FNBP1: variants seen among roughly 807,000 people sequenced by gnomAD.
FNBP1 encodes formin binding protein 1, also known as formin-binding protein 1.
Under a neutral mutation model 90.6 loss-of-function variants are expected in FNBP1, and 26 were observed. That is an observed-to-expected ratio of 0.29 (90% CI 0.21 to 0.40). The LOEUF (loss-of-function observed/expected upper bound fraction) is 0.40, where lower values mean the gene tolerates loss of function less well. FNBP1 is among the 10% of genes least tolerant of loss of function. The probability of loss-of-function intolerance (pLI) is 1.00; values close to 1 mark genes in which losing one functional copy is unlikely to be tolerated. For missense variants in FNBP1, 635 were observed against 768.0 expected (o/e 0.83, Z 2.05); for synonymous variants, 260 against 265.2 (o/e 0.98, Z 0.19).
chr9:130,028,625 C>A (rs1311861863), intron 1 of FNBP1, among the ~76,000 whole-genome samples: 2 of 152,108 alleles, frequency 1.3e-5, no homozygotes, highest in Admixed American at 6.6e-5. Context: ...ACAGTCTATA[C>A]CCCTCCCAGT....
intron 6 of FNBP1, among the ~76,000 whole-genome samples, chr9:129,946,136 T>C (rs957297990): frequency 6.6e-6 from 1 of 152,044 alleles, no homozygotes. Flanking sequence ...GCCACTGCAC[T>C]CCATCCTGAG....
intron 4 of FNBP1, among the ~76,000 whole-genome samples, chr9:129,963,633 T>TAA (rs1564446948): frequency 8.2e-5 from 6 of 73,556 alleles, no homozygotes; most frequent in Admixed American, 3.0e-4. Flanking sequence ...TTTTTTTTTT[T>TAA]TAAAAAAACA....
intron 4 of FNBP1, among the ~76,000 whole-genome samples, chr9:129,968,198 C>T (rs2048909686): frequency 1.3e-5 from 2 of 151,938 alleles, no homozygotes; most frequent in Admixed American, 1.3e-4. Context: ...AGTTTGAGAC[C>T]AGCCTAGTCA....
intron 2 of FNBP1, among the ~76,000 whole-genome samples, chr9:129,986,575 A>C (rs548149110): frequency 1.3e-5 from 2 of 151,454 alleles, no homozygotes; most frequent in African/African-American, 4.9e-5. Flanking sequence ...GCGGATCACA[A>C]GGTCAAGAGA....
intron 1 of FNBP1, among the ~76,000 whole-genome samples, chr9:129,997,671 C>G (rs983107675): frequency 1.3e-5 from 2 of 152,094 alleles, no homozygotes; most frequent in Non-Finnish European, 2.9e-5. Flanking sequence ...TCACAGTAAT[C>G]ATATTTATTT....
At chr9:129,990,264 AGAAAACTAT>A (rs2052919227) in intron 2 of FNBP1, among the ~76,000 whole-genome samples, 1 of 152,222 alleles carries the variant, frequency 6.6e-6, no homozygotes, top group South Asian at 2.1e-4. Flanking sequence ...AAACTAAACA[AGAAAACTAT>A]ATAAAATGGT....
At chr9:129,989,185 C>T (rs997471905) in intron 2 of FNBP1, among the ~76,000 whole-genome samples, 5 of 152,338 alleles carry the variant, frequency 3.3e-5, no homozygotes, top group Middle Eastern at 6.8e-3. Flanking sequence ...TATCACATCA[C>T]TGCGTTTACA....
At chr9:129,980,686 A>C (rs1231295658) in intron 2 of FNBP1, among the ~76,000 whole-genome samples, 4 of 110,458 alleles carry the variant, frequency 3.6e-5, no homozygotes, top group African/African-American at 9.8e-5. Flanking sequence ...AAAAAAAAAA[A>C]AACCCTCACT....
intron 13 of FNBP1, 98 bp downstream of exon 13, chr9:129,902,771 C>A: frequency 8.2e-7 from 1 of 1,216,904 alleles, no homozygotes; most frequent in Non-Finnish European, 1.2e-6. Context: ...CACTGTGTAC[C>A]TCCCAGTGAG....
At chr9:130,023,654 G>A (rs1439440627) in intron 1 of FNBP1, among the ~76,000 whole-genome samples, 2 of 151,968 alleles carry the variant, frequency 1.3e-5, no homozygotes, top group Admixed American at 1.3e-4. Context: ...TTGGGTTTCT[G>A]CTCAGATCTG....
intron 6 of FNBP1, among the ~76,000 whole-genome samples, chr9:129,946,315 C>G (rs920795252): frequency 1.3e-5 from 2 of 152,194 alleles, no homozygotes; most frequent in Non-Finnish European, 2.9e-5. Context: ...TAATCATATT[C>G]AAAGCCAAAT....
Position 129,889,698 on chromosome 9 carries a change from C to A in FNBP1, c.*841G>T. On this transcript the variant is annotated 3_prime_UTR_variant, in exon 17 of 17. Coordinates refer to ENST00000446176, the MANE Select transcript of FNBP1 (RefSeq NM_015033.3). ...GGTGCAGAGGGGAGGGCCTCGCTCA[C>A]AAGCGCATGATCTACAGTTCTCAGG... The A allele has an allele frequency of 4.3e-6, 1 of 231,722 alleles. No individual in the cohort carries two copies. Among genetic ancestry groups the A allele is most frequent in the Non-Finnish European group, 8.5e-6 (1 of 117,114 alleles). 14.4% of individuals were successfully genotyped at this position (231,722 alleles called of 1,614,324 possible).
chr9:129,916,559 G>A (rs2040284931), intron 10 of FNBP1, among the ~76,000 whole-genome samples: 1 of 151,576 alleles, frequency 6.6e-6, no homozygotes, highest in African/African-American at 2.4e-5. Flanking sequence ...GGAGGTTGCA[G>A]TGAGCTGAGG....
chr9:129,894,206 T>A (rs1160962775), intron 16 of FNBP1, among the ~76,000 whole-genome samples: 2 of 152,008 alleles, frequency 1.3e-5, no homozygotes, highest in African/African-American at 4.8e-5. Flanking sequence ...ACACCTTCAT[T>A]CTGACCCATT....
At position 130,043,060 on chromosome 9, in the gene FNBP1, T is replaced by A; in HGVS notation, c.-85A>T. ...CCGGCGATCCCTTTGCCCCCCGAGA[T>A]CCCCGCGACGGCGGAAAGCCCGGAG... On this transcript the variant is annotated 5_prime_UTR_variant, in exon 1 of 17. Coordinates refer to ENST00000446176, the MANE Select transcript of FNBP1 (RefSeq NM_015033.3). 2 of 1,182,978 alleles carry A rather than the reference T, an allele frequency of 1.7e-6. No homozygotes were observed. The highest frequency in any genetic ancestry group is 2.1e-6 in the Non-Finnish European group (2 of 946,590). The allele number at this position is 1,182,978 out of a possible 1,614,324, so 73.3% of individuals were successfully genotyped here.
chr9:130,027,620 A>G (rs2058459815), intron 1 of FNBP1, among the ~76,000 whole-genome samples: 2 of 150,578 alleles, frequency 1.3e-5, no homozygotes, highest in Admixed American at 1.3e-4. Flanking sequence ...TTGGACAGGG[A>G]CAACTTTTCT....
chr9:129,920,761 T>C (rs936370581), intron 10 of FNBP1, among the ~76,000 whole-genome samples: 4 of 152,096 alleles, frequency 2.6e-5, no homozygotes, highest in African/African-American at 9.7e-5. Flanking sequence ...CATAAACAAA[T>C]GGTAAACAAT....
intron 12 of FNBP1, among the ~76,000 whole-genome samples, chr9:129,903,800 G>C (rs1490892414): frequency 6.6e-6 from 1 of 152,022 alleles, no homozygotes; most frequent in Admixed American, 6.6e-5. Flanking sequence ...CAAAGTGCTG[G>C]GATTACAGGC....
intron 12 of FNBP1, among the ~76,000 whole-genome samples, chr9:129,903,821 G>A (rs772150738): frequency 3.9e-5 from 6 of 152,018 alleles, no homozygotes; most frequent in African/African-American, 4.8e-5. Flanking sequence ...ATGAGCCACC[G>A]AATCTGGCTT....
Sources: allele counts gnomAD v4.1 joint callset (sites outside exome capture counted in the v4.1 genomes callset), GRCh38; gene constraint gnomAD v4.1.1; transcripts MANE v1.5; gene names NCBI Gene and HGNC (gene_info 2026-07-23, HGNC 2026-07-21).